Variants in PPP6R3 observed in about 807,000 individuals in gnomAD.
PPP6R3 encodes serine/threonine-protein phosphatase 6 regulatory subunit 3.
In PPP6R3, 38 loss-of-function variants were observed where a neutral mutation model predicts 110.7. That is an observed-to-expected ratio of 0.34 (90% CI 0.26 to 0.45). PPP6R3 has a LOEUF of 0.45. PPP6R3 is among the 20% of genes least tolerant of loss of function. The pLI, the probability that PPP6R3 is intolerant of heterozygous loss-of-function variation, is 1.00. For missense variants in PPP6R3, 870 were observed against 1,062.4 expected (o/e 0.82, Z 2.52); for synonymous variants, 369 against 373.5 (o/e 0.99, Z 0.14).
chr11:68,569,285 C>T (rs1461194330), intron 10 of PPP6R3, among the ~76,000 whole-genome samples: 1 of 152,158 alleles, frequency 6.6e-6, no homozygotes, highest in Non-Finnish European at 1.5e-5. Flanking sequence ...CCCATTTAGT[C>T]CTCGTTATTT....
intron 14 of PPP6R3, among the ~76,000 whole-genome samples, chr11:68,577,522 T>G (rs1452612595): frequency 6.6e-6 from 1 of 152,244 alleles, no homozygotes; most frequent in Non-Finnish European, 1.5e-5. Context: ...AAATGTCCAA[T>G]TAAGCTTGTT....
intron 3 of PPP6R3, among the ~76,000 whole-genome samples, chr11:68,542,085 G>A (rs1360265598): frequency 2.0e-5 from 3 of 150,854 alleles, no homozygotes; most frequent in Non-Finnish European, 4.4e-5. Flanking sequence ...GAACGTTGCA[G>A]CACAGAGGAA....
At chr11:68,579,659 C>A (rs996953701) in intron 14 of PPP6R3, among the ~76,000 whole-genome samples, 3 of 152,210 alleles carry the variant, frequency 2.0e-5, no homozygotes, top group Non-Finnish European at 4.4e-5. Flanking sequence ...TGTGCACACA[C>A]AATATGTGTA....
chr11:68,525,800 C>T (rs982388082), intron 2 of PPP6R3, among the ~76,000 whole-genome samples: 17 of 152,092 alleles, frequency 1.1e-4, no homozygotes, highest in African/African-American at 4.1e-4. Context: ...TAGGAAAGGC[C>T]ATTTTCTTTG....
intron 15 of PPP6R3, 59 bp downstream of exon 15, chr11:68,583,188 CT>C: frequency 1.5e-6 from 2 of 1,291,684 alleles, no homozygotes; most frequent in Non-Finnish European, 1.1e-6. Flanking sequence ...GTTTAGTTGC[CT>C]TTTATGAATC....
chr11:68,501,354 G>C (rs968387817), intron 1 of PPP6R3, among the ~76,000 whole-genome samples: 1 of 152,210 alleles, frequency 6.6e-6, no homozygotes, highest in East Asian at 1.9e-4. Context: ...TTGAGACAGG[G>C]TCTCACTCTG....
At chr11:68,571,151 T>C (rs1046898932) in intron 12 of PPP6R3, 47 bp downstream of exon 12, 4 of 1,571,744 alleles carry the variant, frequency 2.5e-6, no homozygotes, top group African/African-American at 1.4e-5. Context: ...GTTGGTAATA[T>C]GAGGAAAATA....
intron 1 of PPP6R3, among the ~76,000 whole-genome samples, chr11:68,486,697 TC>T (rs1168790974): frequency 1.3e-5 from 2 of 152,112 alleles, no homozygotes; most frequent in African/African-American, 4.8e-5. Context: ...CCTTAAATAT[TC>T]AGTAGAATTC....
intron 3 of PPP6R3, among the ~76,000 whole-genome samples, chr11:68,543,688 T>C (rs1481770652): frequency 1.3e-5 from 2 of 152,204 alleles, no homozygotes; most frequent in African/African-American, 4.8e-5. Context: ...TTGCTCAGCT[T>C]TTGAGCTTGC....
intron 17 of PPP6R3, 81 bp downstream of exon 17, chr11:68,590,795 T>TG: frequency 7.1e-7 from 1 of 1,405,474 alleles, no homozygotes; most frequent in Non-Finnish European, 9.5e-7. Context: ...TGCCACATGC[T>TG]GGGACCCCTG....
At chr11:68,497,705 T>C (rs183512648) in intron 1 of PPP6R3, among the ~76,000 whole-genome samples, 1 of 152,350 alleles carries the variant, frequency 6.6e-6, no homozygotes, top group African/African-American at 2.4e-5. Flanking sequence ...TTCCATTCTT[T>C]GGGTTTTCTT....
At position 68,571,023 on chromosome 11, in the gene PPP6R3, CT is replaced by C. The variant is rs377099693; in HGVS notation, c.1279-4del. The C allele has an allele frequency of 0.077, 76,064 of 983,836 alleles. No individual in the cohort carries two copies. The highest frequency in any genetic ancestry group is 0.11 in the East Asian group (3,190 of 27,948). The allele number at this position is 983,836 out of a possible 1,614,324, so 60.9% of individuals were successfully genotyped here. On this transcript the variant is annotated splice_polypyrimidine_tract_variant and intron_variant, in intron 11 of 23. Coordinates refer to ENST00000393800, the MANE Select transcript of PPP6R3 (RefSeq NM_001164161.2). ...GCTTTGAAGTATTAACTGGAATATTCTTTTTTTTTTTTTCAGCTTTTCCAAA... is the reference window on the plus strand; with the variant it reads ...GCTTTGAAGTATTAACTGGAATATTCTTTTTTTTTTTTCAGCTTTTCCAAA...
chr11:68,522,296 G>A (rs149066862), intron 2 of PPP6R3, among the ~76,000 whole-genome samples: 3 of 152,244 alleles, frequency 2.0e-5, no homozygotes, highest in African/African-American at 7.2e-5. Flanking sequence ...CTGCCAATCT[G>A]TATGAGAATG....
In PPP6R3 at chr11:68,614,743, C is replaced by T; in HGVS notation, c.*1626C>T. On this transcript the variant is annotated 3_prime_UTR_variant, in exon 24 of 24. Transcript: ENST00000393800. ...CACGCCTCCTCAGGAACCCCCTTTC[C>T]CGGGTGAGCCCCTCTCTGAAGAGAC... 2.0e-6 allele frequency: 3 copies of T among 1,535,374 alleles called. No individual in the cohort carries two copies. Among genetic ancestry groups the T allele is most frequent in the Non-Finnish European group, 2.6e-6 (3 of 1,137,268 alleles).
chr11:68,587,963 A>G lies in PPP6R3; in HGVS notation c.1669A>G (p.Asn557Asp). Residue 557 changes from asparagine to aspartate, a missense_variant, in exon 16 of 24, where the codon AAT becomes GAT. By Grantham distance (23) the Asn-to-Asp change is conservative. Transcript: ENST00000393800. ...TTATCAGATGCAACAAATGACGTCC[A>G]ATTTTATTGACCAGTTTGGCTTCAA... ...SDYQMQQMTSNFIDQFGFNDE... is the reference protein window; with the variant it reads ...SDYQMQQMTSDFIDQFGFNDE... 1.9e-6 allele frequency: 3 copies of G among 1,614,228 alleles called. No individual in the cohort carries two copies. The highest frequency in any genetic ancestry group is 2.5e-6 in the Non-Finnish European group (3 of 1,180,034).
At chr11:68,535,849 A>G (rs909203131) in intron 2 of PPP6R3, among the ~76,000 whole-genome samples, 3 of 151,468 alleles carry the variant, frequency 2.0e-5, no homozygotes, top group Non-Finnish European at 2.9e-5. Flanking sequence ...GCATGGTGTA[A>G]TCCTAGCTAC....
chr11:68,460,897 G>A (rs1388248434), intron 1 of PPP6R3, 70 bp downstream of exon 1: 30 of 16,946 alleles, frequency 1.8e-3, no homozygotes, highest in African/African-American at 8.1e-3. Context: ...GGCAGGCGCG[G>A]GGCCCCTCCA....
intron 2 of PPP6R3, among the ~76,000 whole-genome samples, chr11:68,523,389 T>C (rs1331809229): frequency 6.6e-6 from 1 of 152,220 alleles, no homozygotes; most frequent in Non-Finnish European, 1.5e-5. Flanking sequence ...TGTCATGTTT[T>C]GGTGAAGAAC....
intron 4 of PPP6R3, 142 bp downstream of exon 4, chr11:68,545,166 T>C (rs2099344631): frequency 3.7e-6 from 2 of 537,060 alleles, no homozygotes; most frequent in South Asian, 4.2e-5. Context: ...TTAAACATTC[T>C]AAGCACTCAC....
Sources: allele counts gnomAD v4.1 joint callset (sites outside exome capture counted in the v4.1 genomes callset), GRCh38; gene constraint gnomAD v4.1.1; transcripts MANE v1.5; gene names NCBI Gene and HGNC (gene_info 2026-07-23, HGNC 2026-07-21).